PLEKHA8: variants seen among roughly 807,000 people sequenced by gnomAD.
PLEKHA8 encodes pleckstrin homology domain-containing family A member 8.
In PLEKHA8, 36 loss-of-function variants were observed where a neutral mutation model predicts 68.2. That is an observed-to-expected ratio of 0.53 (90% CI 0.40 to 0.70). PLEKHA8 has a LOEUF of 0.70. Ranked by LOEUF, PLEKHA8 falls within the 30% of genes least tolerant of loss-of-function variation. The pLI is 0.00. For synonymous variants in PLEKHA8, 211 were observed against 216.1 expected, an observed-to-expected ratio of 0.98 and a Z score of 0.20; for missense variants, 505 against 615.4, an observed-to-expected ratio of 0.82 and a Z score of 1.90.
intron 1 of PLEKHA8, among the ~76,000 whole-genome samples, chr7:30,044,113 TCTC>T (rs1386870559): frequency 6.6e-6 from 1 of 151,600 alleles, no homozygotes; most frequent in African/African-American, 2.4e-5. Context: ...TTCAAGCGAT[TCTC>T]CTGCCTCAGC....
downstream of PLEKHA8, among the ~76,000 whole-genome samples, chr7:30,093,830 G>A (rs890479040): frequency 6.6e-6 from 1 of 152,190 alleles, no homozygotes; most frequent in African/African-American, 2.4e-5. Context: ...CTGGGTGTGA[G>A]CATGGAAACC....
intron 9 of PLEKHA8, among the ~76,000 whole-genome samples, chr7:30,056,383 TATA>T (rs1792929755): frequency 7.0e-6 from 1 of 142,400 alleles, no homozygotes; most frequent in African/African-American, 2.6e-5. Context: ...ATAACATATA[TATA>T]ATATATATAA....
intron 1 of PLEKHA8, among the ~76,000 whole-genome samples, chr7:30,030,536 G>T (rs1480203774): frequency 6.6e-6 from 1 of 152,206 alleles, no homozygotes; most frequent in Non-Finnish European, 1.5e-5. Flanking sequence ...AGAAGTTAAT[G>T]CTGTGAGTGG....
chr7:30,109,660 C>T (rs1418897623), intron 13 of PLEKHA8, among the ~76,000 whole-genome samples: 1 of 142,742 alleles, frequency 7.0e-6, no homozygotes, highest in Non-Finnish European at 1.5e-5. Context: ...TTCAGATTTT[C>T]CTTTTTCTTT....
chr7:30,051,651 G>GT (rs1343484363), intron 6 of PLEKHA8, among the ~76,000 whole-genome samples: 1 of 152,044 alleles, frequency 6.6e-6, no homozygotes, highest in Non-Finnish European at 1.5e-5. Context: ...GTCCTCCTGG[G>GT]TTTTTTCTCT....
intron 1 of PLEKHA8, among the ~76,000 whole-genome samples, chr7:30,036,451 G>GATAGATAC (rs1554375827): frequency 4.7e-4 from 71 of 150,404 alleles, no homozygotes; most frequent in Non-Finnish European, 7.8e-4. Flanking sequence ...TAGATAGATA[G>GATAGATAC]ATAGATAGAT....
intron 13 of PLEKHA8, among the ~76,000 whole-genome samples, chr7:30,122,733 A>T (rs1796714649): frequency 6.6e-6 from 1 of 152,222 alleles, no homozygotes; most frequent in Non-Finnish European, 1.5e-5. Context: ...AGGTAATGGA[A>T]ACTGATGAGC....
rs1395134756 is a variant in PLEKHA8 at position 30,075,937 on chromosome 7, C to T, written c.1362+1805C>T. Among the ~76,000 whole-genome samples the T allele has an allele frequency of 3.3e-5, 5 of 151,996 alleles. No homozygotes were observed. In the East Asian group the frequency reaches 9.6e-4, roughly 29 times the overall value. On this transcript the variant is annotated intron_variant, in intron 13 of 13. Coordinates refer to ENST00000449726, the MANE Select transcript of PLEKHA8 (RefSeq NM_001197026.2). ...TAGACTCATAAAAAATTTTAGAAAT[C>T]ATGGTAGAAAGAGAAGAAATTAAAA...
chr7:30,050,701 G>T (rs1309947298), intron 6 of PLEKHA8: 3 of 422,412 alleles, frequency 7.1e-6, no homozygotes, highest in Non-Finnish European at 1.2e-5. Context: ...CCCTAAGATG[G>T]ATCTCACCCA....
At chr7:30,032,713 A>T (rs968356850) in intron 1 of PLEKHA8, among the ~76,000 whole-genome samples, 1 of 152,190 alleles carries the variant, frequency 6.6e-6, no homozygotes, top group African/African-American at 2.4e-5. Context: ...AGTGGGGAGG[A>T]ATTCAGAAGT....
intron 13 of PLEKHA8, among the ~76,000 whole-genome samples, chr7:30,119,176 A>G (rs1377240953): frequency 2.6e-5 from 4 of 152,204 alleles, no homozygotes; most frequent in Non-Finnish European, 4.4e-5. Flanking sequence ...CCTATCCCTC[A>G]CTTTTCCCAT....
chr7:30,066,355 T>C (rs1793849076), intron 12 of PLEKHA8, among the ~76,000 whole-genome samples: 1 of 152,204 alleles, frequency 6.6e-6, no homozygotes, highest in African/African-American at 2.4e-5. Context: ...TCTCTAGTTA[T>C]TGTATTGCTG....
At position 30,078,572 on chromosome 7, in the gene PLEKHA8, T is replaced by C. The variant is rs1370778795; in HGVS notation, c.1363-18T>C. On this transcript the variant is annotated intron_variant, in intron 13 of 13. Coordinates refer to ENST00000449726, the MANE Select transcript of PLEKHA8 (RefSeq NM_001197026.2). ...GAGACAGACTTGATGCAGATTCTCA[T>C]GGGTTATTCTTTTGCAGTTAGCTTT... 1 of 1,612,946 alleles carries C rather than the reference T, an allele frequency of 6.2e-7. No homozygotes were observed. The highest frequency in any genetic ancestry group is 1.7e-5 in the Admixed American group (1 of 59,906).
At chr7:30,050,594 G>T in intron 6 of PLEKHA8, 120 bp downstream of exon 6, 1 of 1,283,976 alleles carries the variant, frequency 7.8e-7, no homozygotes, top group South Asian at 1.6e-5. Flanking sequence ...AAATAATATG[G>T]AAGTAAACAA....
chr7:30,047,206 TAA>T (rs1792028924), intron 3 of PLEKHA8, among the ~76,000 whole-genome samples: 1 of 152,188 alleles, frequency 6.6e-6, no homozygotes, highest in African/African-American at 2.4e-5. Flanking sequence ...GAGCAGATAG[TAA>T]TGTGCACTTT....
At chr7:30,038,853 C>T (rs1276864578) in intron 1 of PLEKHA8, among the ~76,000 whole-genome samples, 1 of 150,440 alleles carries the variant, frequency 6.6e-6, no homozygotes, top group Non-Finnish European at 1.5e-5. Context: ...TTTAAGGGAA[C>T]AGGAACATCT....
chr7:30,058,288 A>T (rs1336677402), intron 9 of PLEKHA8, among the ~76,000 whole-genome samples: 2 of 152,090 alleles, frequency 1.3e-5, no homozygotes, highest in Non-Finnish European at 2.9e-5. Flanking sequence ...GAAGTTTTAA[A>T]TTTCCATGAA....
chr7:30,124,812 A>C (rs1436007021), intron 13 of PLEKHA8, among the ~76,000 whole-genome samples: 1 of 152,094 alleles, frequency 6.6e-6, no homozygotes, highest in Non-Finnish European at 1.5e-5. Context: ...TTGTGACTCA[A>C]ATAAGTAATA....
chr7:30,093,969 T>C (rs1172883934), downstream of PLEKHA8, among the ~76,000 whole-genome samples: 1 of 152,204 alleles, frequency 6.6e-6, no homozygotes, highest in East Asian at 1.9e-4. Context: ...ATGGTGTTGT[T>C]ATGAGGATTA....
Sources: gnomAD v4.1 joint callset for allele counts (sites outside exome capture counted in the v4.1 genomes callset) on GRCh38, gnomAD v4.1.1 for gene constraint, MANE v1.5 for transcripts, NCBI Gene and HGNC (gene_info 2026-07-23, HGNC 2026-07-21) for gene names.